NDST3: variants seen among roughly 807,000 people sequenced by gnomAD.
NDST3 encodes the protein N-deacetylase and N-sulfotransferase 3.
NDST3 carries 58 observed loss-of-function variants against 96.1 expected under a neutral mutation model. The ratio of observed to expected loss-of-function variants is 0.60; its 90% CI spans 0.49 to 0.75. The LOEUF is 0.75. NDST3 is among the 30% of genes least tolerant of loss of function. NDST3 has a pLI of 0.00. For missense variants in NDST3, 788 were observed against 1,034.2 expected (o/e 0.76, Z 3.27); for synonymous variants, 333 against 359.7 (o/e 0.93, Z 0.84).
At chr4:118,038,232 G>C (rs923622114) in intron 1 of NDST3, among the ~76,000 whole-genome samples, 6 of 152,162 alleles carry the variant, frequency 3.9e-5, no homozygotes, top group Non-Finnish European at 8.8e-5. Context: ...CAATCTTAGA[G>C]GGTAAAGGCA....
intron 6 of NDST3, among the ~76,000 whole-genome samples, chr4:118,172,676 TTA>T (rs1374305781): frequency 2.6e-5 from 4 of 152,174 alleles, no homozygotes; most frequent in African/African-American, 7.2e-5. Flanking sequence ...TTTAATGATT[TTA>T]TGTCACTTTT....
intron 2 of NDST3, among the ~76,000 whole-genome samples, chr4:118,060,029 T>C (rs919867804): frequency 1.3e-5 from 2 of 152,118 alleles, no homozygotes; most frequent in Non-Finnish European, 2.9e-5. Context: ...GTATGCCTCA[T>C]GTACTTGATA....
intron 4 of NDST3, among the ~76,000 whole-genome samples, chr4:118,134,185 G>C (rs1457722291): frequency 1.3e-5 from 2 of 152,200 alleles, no homozygotes; most frequent in Non-Finnish European, 2.9e-5. Flanking sequence ...AAGATGCTGA[G>C]GTAGAAAAGT....
At chr4:118,089,203 A>AT (rs1329527840) in intron 2 of NDST3, among the ~76,000 whole-genome samples, 2 of 151,910 alleles carry the variant, frequency 1.3e-5, no homozygotes, top group African/African-American at 4.8e-5. Context: ...AAATAAGTGG[A>AT]TTTTTAAATC....
intron 6 of NDST3, among the ~76,000 whole-genome samples, chr4:118,190,080 T>C (rs919560032): frequency 2.0e-5 from 3 of 152,000 alleles, no homozygotes; most frequent in African/African-American, 7.2e-5. Flanking sequence ...ATCAAAAGCA[T>C]ATCTTGCTTT....
At chr4:118,067,056 T>C (rs1437917917) in intron 2 of NDST3, among the ~76,000 whole-genome samples, 1 of 149,834 alleles carries the variant, frequency 6.7e-6, no homozygotes, top group Non-Finnish European at 1.5e-5. Flanking sequence ...ACTTACTTGA[T>C]ATTCTTGAAT....
intron 2 of NDST3, among the ~76,000 whole-genome samples, chr4:118,070,303 C>T (rs976295027): frequency 6.6e-6 from 1 of 152,008 alleles, no homozygotes; most frequent in African/African-American, 2.4e-5. Context: ...ATAGGGTGAA[C>T]AGAACACTGC....
At chr4:118,067,266 A>T (rs1236156238) in intron 2 of NDST3, among the ~76,000 whole-genome samples, 1 of 152,022 alleles carries the variant, frequency 6.6e-6, no homozygotes, top group Non-Finnish European at 1.5e-5. Context: ...TTTTAACTCT[A>T]GTGTGATTGC....
chr4:118,138,017 T>A (rs1733258387), intron 4 of NDST3, 37 bp from the exon 5 acceptor site: 1 of 1,520,380 alleles, frequency 6.6e-7, no homozygotes, highest in Non-Finnish European at 8.8e-7. Context: ...TCAAGATAAA[T>A]CTTTACACGC....
At chr4:118,058,298 T>C (rs1394426519) in intron 2 of NDST3, among the ~76,000 whole-genome samples, 1 of 151,920 alleles carries the variant, frequency 6.6e-6, no homozygotes, top group African/African-American at 2.4e-5. Context: ...ATGGGAAGAT[T>C]TGAATAGCAA....
chr4:118,094,521 GC>G lies in NDST3; in HGVS notation c.982-10493del, dbSNP rs537354379. 4.1e-3 allele frequency among the ~76,000 whole-genome samples: 626 copies of G among 151,816 alleles called. 1 individual carries two copies. The highest frequency in any genetic ancestry group is 0.01 in the Middle Eastern group (3 of 294). On this transcript the variant is annotated intron_variant, in intron 2 of 13. Coordinates refer to ENST00000296499, the MANE Select transcript of NDST3 (RefSeq NM_004784.3). The stretch of plus-strand genomic sequence containing the variant: ...CTTGGTGCAACATGATTGTAAATGT[GC>G]CCCTTGTTTTGGGGTACACTTAATG...
chr4:118,122,091 T>C (rs985839713), intron 4 of NDST3, among the ~76,000 whole-genome samples: 6 of 152,168 alleles, frequency 3.9e-5, no homozygotes, highest in East Asian at 1.9e-4. Flanking sequence ...AACGATTTCA[T>C]AAAAAGAAAG....
rs971957003 is a variant in NDST3 at position 118,198,848 on chromosome 4, C to A, written c.1540-25643C>A. Among the ~76,000 whole-genome samples the A allele has an allele frequency of 2.6e-5, 4 of 151,898 alleles. No homozygotes were observed. The East Asian group carries it at 5.8e-4, about 22-fold the overall frequency. On this transcript the variant is annotated intron_variant, in intron 6 of 13. Coordinates refer to ENST00000296499, the MANE Select transcript of NDST3 (RefSeq NM_004784.3). ...GATATACTATTCTAGCATAAAAGTT[C>A]TCTTCCCTTCAGCACTTTAAATATT...
chr4:118,040,804 T>C (rs1217112177), intron 1 of NDST3, among the ~76,000 whole-genome samples: 5 of 149,878 alleles, frequency 3.3e-5, no homozygotes, highest in African/African-American at 1.2e-4. Context: ...CACTTCAGCC[T>C]CCCAAGTAGC....
At chr4:118,200,327 C>T (rs10007918) in intron 6 of NDST3, among the ~76,000 whole-genome samples, 3,852 of 152,270 alleles carry the variant, frequency 0.025, 63 homozygotes, top group African/African-American at 0.037. Flanking sequence ...CTCATGGCCA[C>T]GGCCACCTCA....
At chr4:118,151,170 AG>A (rs1474506831) in intron 6 of NDST3, among the ~76,000 whole-genome samples, 2 of 152,184 alleles carry the variant, frequency 1.3e-5, no homozygotes, top group African/African-American at 4.8e-5. Flanking sequence ...TCTCACTCAT[AG>A]GTGGGAACTG....
intron 7 of NDST3, among the ~76,000 whole-genome samples, chr4:118,225,088 T>C (rs1326252371): frequency 6.6e-6 from 1 of 152,176 alleles, no homozygotes; most frequent in Non-Finnish European, 1.5e-5. Flanking sequence ...AGAACTGACA[T>C]CTGCCTTCTG....
chr4:118,195,616 A>T (rs1427499389), intron 6 of NDST3, among the ~76,000 whole-genome samples: 1 of 152,212 alleles, frequency 6.6e-6, no homozygotes, highest in Non-Finnish European at 1.5e-5. Context: ...ATTTGTGGCT[A>T]TTATAATTAG....
At chr4:118,220,872 C>T (rs553227855) in intron 6 of NDST3, among the ~76,000 whole-genome samples, 2 of 152,156 alleles carry the variant, frequency 1.3e-5, no homozygotes, top group South Asian at 2.1e-4. Context: ...AAAAGGACTA[C>T]TACAAAGCAA....
Sources: gnomAD v4.1 joint callset for allele counts (sites outside exome capture counted in the v4.1 genomes callset) on GRCh38, gnomAD v4.1.1 for gene constraint, MANE v1.5 for transcripts, NCBI Gene and HGNC (gene_info 2026-07-23, HGNC 2026-07-21) for gene names.